The following SPMIP2 variants were observed in gnomAD, a reference collection of about 807,000 sequenced individuals.
SPMIP2 encodes the protein protein SPMIP2.
the SPMIP2 span, among the ~76,000 whole-genome samples, chr4:158,916,637 ATGTATGTATG>A: frequency 6.6e-6 from 1 of 151,658 alleles, no homozygotes; most frequent in Admixed American, 6.6e-5. Flanking sequence ...GTATGTATGT[ATGTATGTATG>A]TATGTATGTT....
the SPMIP2 span, among the ~76,000 whole-genome samples, chr4:159,053,956 T>G: frequency 4.0e-5 from 6 of 151,152 alleles, no homozygotes; most frequent in African/African-American, 9.7e-5. Flanking sequence ...GAAAAGAAAA[T>G]AAACAAATCC....
the SPMIP2 span, among the ~76,000 whole-genome samples, chr4:159,013,690 T>C: frequency 6.6e-6 from 1 of 152,040 alleles, no homozygotes; most frequent in African/African-American, 2.4e-5. Context: ...CACTGAGGGG[T>C]TGGGGCTTCA....
the SPMIP2 span, among the ~76,000 whole-genome samples, chr4:158,940,825 T>C: frequency 6.6e-6 from 1 of 152,228 alleles, no homozygotes; most frequent in African/African-American, 2.4e-5. Flanking sequence ...GCTATTGCCC[T>C]TATTGTTCAA....
chr4:159,078,226 T>A, the SPMIP2 span, among the ~76,000 whole-genome samples: 1 of 152,222 alleles, frequency 6.6e-6, no homozygotes, highest in Non-Finnish European at 1.5e-5. Context: ...ATGATTCCTG[T>A]GCAGTCATGA....
At chr4:158,970,735 G>T in the SPMIP2 span, among the ~76,000 whole-genome samples, 2 of 151,494 alleles carry the variant, frequency 1.3e-5, no homozygotes, top group African/African-American at 4.9e-5. Flanking sequence ...CTATTCTAAA[G>T]CTCTAAGTCC....
the SPMIP2 span, among the ~76,000 whole-genome samples, chr4:158,915,884 G>C: frequency 3.3e-5 from 5 of 152,164 alleles, no homozygotes; most frequent in South Asian, 2.1e-4. Context: ...TCTCAGCCCT[G>C]CTTTTCCATT....
the SPMIP2 span, among the ~76,000 whole-genome samples, chr4:158,991,175 C>T: frequency 6.6e-6 from 1 of 152,062 alleles, no homozygotes; most frequent in Non-Finnish European, 1.5e-5. Context: ...GCTACTGGCC[C>T]AGGAAGAAGT....
At chr4:158,976,647 G>A in the SPMIP2 span, among the ~76,000 whole-genome samples, 5 of 146,464 alleles carry the variant, frequency 3.4e-5, no homozygotes, top group Non-Finnish European at 1.5e-5. Context: ...AACTGGATCA[G>A]GATGGATAAG....
chr4:159,066,622 G>A, the SPMIP2 span, among the ~76,000 whole-genome samples: 134 of 10,906 alleles, frequency 0.012, 1 homozygote, highest in East Asian at 0.059. Context: ...TATATATATA[G>A]TATTAAAGGG....
chr4:158,900,594 C>T, the SPMIP2 span, among the ~76,000 whole-genome samples: 3 of 152,036 alleles, frequency 2.0e-5, no homozygotes, highest in Non-Finnish European at 4.4e-5. Context: ...TATGTAATGC[C>T]CTTCTTTGTC....
the SPMIP2 span, among the ~76,000 whole-genome samples, chr4:159,053,624 T>G: frequency 4.6e-5 from 7 of 152,278 alleles, 1 homozygote; most frequent in Middle Eastern, 6.8e-3. Context: ...TTTAAGTCAT[T>G]CCTGGGAGAT....
chr4:159,023,166 G>A, the SPMIP2 span, among the ~76,000 whole-genome samples: 2 of 152,170 alleles, frequency 1.3e-5, no homozygotes, highest in Non-Finnish European at 2.9e-5. Flanking sequence ...TTCTGGGTGT[G>A]TCTGTGAGGG....
At chr4:158,957,084 A>G in the SPMIP2 span, among the ~76,000 whole-genome samples, 1 of 152,032 alleles carries the variant, frequency 6.6e-6, no homozygotes, top group African/African-American at 2.4e-5. Context: ...GGTGTGAGCC[A>G]CCAAGCCTGG....
chr4:158,952,113 G>T, the SPMIP2 span, among the ~76,000 whole-genome samples: 4 of 152,124 alleles, frequency 2.6e-5, no homozygotes, highest in African/African-American at 7.2e-5. Context: ...CTGATCCACT[G>T]TCTCTGAGGT....
At chr4:158,968,436 TATAAG>T in the SPMIP2 span, among the ~76,000 whole-genome samples, 13 of 152,138 alleles carry the variant, frequency 8.5e-5, no homozygotes, top group African/African-American at 2.9e-4. Flanking sequence ...ATGCATACCT[TATAAG>T]ATAAAGCAAG....
chr4:158,910,738 C>T, the SPMIP2 span, among the ~76,000 whole-genome samples: 10 of 152,294 alleles, frequency 6.6e-5, no homozygotes, highest in East Asian at 1.7e-3. Context: ...CTGAAAACTG[C>T]CTTCAGGCTG....
chr4:159,012,023 T>A, the SPMIP2 span, among the ~76,000 whole-genome samples: 1 of 146,834 alleles, frequency 6.8e-6, no homozygotes, highest in Non-Finnish European at 1.5e-5. Context: ...ACGATTATAC[T>A]CCAGCCTGGG....
chr4:158,896,435 A>T, the SPMIP2 span, among the ~76,000 whole-genome samples: 3 of 152,198 alleles, frequency 2.0e-5, no homozygotes, highest in Non-Finnish European at 4.4e-5. Context: ...AGGGGAAGTA[A>T]TTCTTACTTC....
the SPMIP2 span, among the ~76,000 whole-genome samples, chr4:158,941,958 G>T: frequency 6.6e-6 from 1 of 152,014 alleles, no homozygotes; most frequent in African/African-American, 2.4e-5. Flanking sequence ...ATGTCTTACC[G>T]AACAGCTGCA....
Sources: allele counts gnomAD v4.1 joint callset (sites outside exome capture counted in the v4.1 genomes callset), GRCh38; gene constraint gnomAD v4.1.1; transcripts MANE v1.5; gene names NCBI Gene and HGNC (gene_info 2026-07-23, HGNC 2026-07-21).